LYSMD2: variants seen among roughly 807,000 people sequenced by gnomAD.
LYSMD2 encodes lysM and putative peptidoglycan-binding domain-containing protein 2.
In LYSMD2, 6 loss-of-function variants were observed where a neutral mutation model predicts 17.7. That is an observed-to-expected ratio of 0.34 (90% CI 0.19 to 0.67). LYSMD2 has a LOEUF of 0.67. Among genes scored for constraint, LYSMD2 ranks in the 30% least tolerant of loss-of-function variants. The probability of loss-of-function intolerance (pLI) is 0.69; values close to 1 mark genes in which losing one functional copy is unlikely to be tolerated. For missense variants in LYSMD2, 237 were observed against 286.7 expected, an observed-to-expected ratio of 0.83 and a Z score of 1.25; for synonymous variants, 102 against 129.8, an observed-to-expected ratio of 0.79 and a Z score of 1.45.
chr15:51,733,753 C>G (rs1466276), intron 1 of LYSMD2, among the ~76,000 whole-genome samples: 74,839 of 151,950 alleles, frequency 0.49, 18,722 homozygotes, highest in Admixed American at 0.57. Context: ...ATGGGGTCTT[C>G]TGTGACTGCG....
chr15:51,747,832 A>G (rs2055675722), intron 1 of LYSMD2, among the ~76,000 whole-genome samples: 1 of 152,242 alleles, frequency 6.6e-6, no homozygotes, highest in African/African-American at 2.4e-5. Flanking sequence ...TATACTACAC[A>G]TACGATTTAA....
At chr15:51,724,433 T>C (rs557740253) in intron 2 of LYSMD2, among the ~76,000 whole-genome samples, 1 of 152,200 alleles carries the variant, frequency 6.6e-6, no homozygotes, top group Non-Finnish European at 1.5e-5. Context: ...CCAGAAGTGC[T>C]AGCTGGACAG....
At chr15:51,746,348 A>G (rs955191404) in intron 1 of LYSMD2, among the ~76,000 whole-genome samples, 1 of 152,230 alleles carries the variant, frequency 6.6e-6, no homozygotes, top group Non-Finnish European at 1.5e-5. Flanking sequence ...GAAGCCAGTC[A>G]TAAAAGACAA....
intron 1 of LYSMD2, chr15:51,751,263 G>A: frequency 1.4e-6 from 1 of 702,186 alleles, no homozygotes; most frequent in Non-Finnish European, 2.6e-6. Flanking sequence ...GGCGGGCGGG[G>A]TCTGTACCTG....
intron 1 of LYSMD2, among the ~76,000 whole-genome samples, chr15:51,749,702 C>A (rs952207431): frequency 3.9e-5 from 6 of 152,218 alleles, no homozygotes; most frequent in African/African-American, 1.4e-4. Context: ...GGGAAAACTG[C>A]TGGCTCGATC....
intron 1 of LYSMD2, among the ~76,000 whole-genome samples, chr15:51,736,785 C>T (rs77716319): frequency 0.015 from 2,281 of 152,242 alleles, 30 homozygotes; most frequent in Non-Finnish European, 0.024. Flanking sequence ...TGCTTAGCGA[C>T]AGGTGTCACA....
chr15:51,743,807 G>C (rs974439507), intron 1 of LYSMD2, among the ~76,000 whole-genome samples: 1 of 151,964 alleles, frequency 6.6e-6, no homozygotes, highest in African/African-American at 2.4e-5. Context: ...CAGTTTTGTT[G>C]TTTTCTTCAC....
chr15:51,732,730 A>T (rs2055584591), intron 1 of LYSMD2, among the ~76,000 whole-genome samples: 1 of 152,144 alleles, frequency 6.6e-6, no homozygotes, highest in South Asian at 2.1e-4. Context: ...TTCAAACTAA[A>T]CAGTAAACAA....
chr15:51,736,910 G>A (rs530657533), intron 1 of LYSMD2, among the ~76,000 whole-genome samples: 65 of 152,330 alleles, frequency 4.3e-4, no homozygotes, highest in African/African-American at 1.4e-3. Flanking sequence ...ACTCATCACG[G>A]AGCTTGTTTT....
chr15:51,748,218 G>A (rs1024393999), intron 1 of LYSMD2, among the ~76,000 whole-genome samples: 2 of 126,728 alleles, frequency 1.6e-5, no homozygotes, highest in East Asian at 2.4e-4. Context: ...AGCCAAGATC[G>A]CACCACTGCA....
intron 1 of LYSMD2, among the ~76,000 whole-genome samples, chr15:51,735,953 G>A (rs1595851919): frequency 2.6e-5 from 4 of 152,218 alleles, no homozygotes; most frequent in African/African-American, 9.6e-5. Context: ...TGCTGAGAGA[G>A]CTCCTGATAA....
At chr15:51,734,366 T>A (rs1174364080) in intron 1 of LYSMD2, among the ~76,000 whole-genome samples, 1 of 152,234 alleles carries the variant, frequency 6.6e-6, no homozygotes, top group African/African-American at 2.4e-5. Context: ...TATGCCCTGC[T>A]GCCAGCCCTT....
intron 1 of LYSMD2, among the ~76,000 whole-genome samples, chr15:51,735,274 C>T (rs929520710): frequency 3.3e-5 from 5 of 152,076 alleles, no homozygotes; most frequent in African/African-American, 9.7e-5. Flanking sequence ...GTGGAGGAGT[C>T]TCTAAAAATT....
chr15:51,743,621 A>T (rs2055653472), intron 1 of LYSMD2, among the ~76,000 whole-genome samples: 1 of 152,164 alleles, frequency 6.6e-6, no homozygotes. Context: ...ACCTTTCCAT[A>T]CAAACTTTGG....
At chr15:51,747,671 T>A (rs1199134748) in intron 1 of LYSMD2, among the ~76,000 whole-genome samples, 2 of 152,240 alleles carry the variant, frequency 1.3e-5, no homozygotes, top group Non-Finnish European at 2.9e-5. Flanking sequence ...CTTTCTCTCC[T>A]TTTATTTTTC....
intron 1 of LYSMD2, among the ~76,000 whole-genome samples, chr15:51,729,721 GTA>G (rs1265039855): frequency 4.6e-5 from 7 of 152,244 alleles, no homozygotes; most frequent in Non-Finnish European, 1.0e-4. Context: ...GTCTCCCAAA[GTA>G]TTGGGATTAC....
At chr15:51,749,492 C>A (rs549704991) in intron 1 of LYSMD2, among the ~76,000 whole-genome samples, 2 of 152,322 alleles carry the variant, frequency 1.3e-5, no homozygotes, top group African/African-American at 4.8e-5. Flanking sequence ...TTAAATCATT[C>A]CCCTGTCTGC....
At chr15:51,745,199 T>C (rs1299499423) in intron 1 of LYSMD2, among the ~76,000 whole-genome samples, 1 of 152,128 alleles carries the variant, frequency 6.6e-6, no homozygotes, top group Non-Finnish European at 1.5e-5. Context: ...GAAAAACTAA[T>C]ATTAATCTTT....
intron 1 of LYSMD2, among the ~76,000 whole-genome samples, chr15:51,749,991 C>A: frequency 6.6e-6 from 1 of 152,226 alleles, no homozygotes; most frequent in East Asian, 1.9e-4. Context: ...CCACTGCGTG[C>A]CAGTGTTCAT....
Sources: allele counts gnomAD v4.1 joint callset (sites outside exome capture counted in the v4.1 genomes callset), GRCh38; gene constraint gnomAD v4.1.1; transcripts MANE v1.5; gene names NCBI Gene and HGNC (gene_info 2026-07-23, HGNC 2026-07-21).